The following BAHCC1 variants were observed in gnomAD, a reference collection of about 807,000 sequenced individuals.
BAHCC1 encodes BAH domain and coiled-coil containing 1.
A neutral mutation model predicts 88.2 loss-of-function variants in BAHCC1; 43 were observed. The observed-to-expected ratio is 0.49, with a 90% CI of 0.38 to 0.63. The LOEUF is 0.63. Among genes scored for constraint, BAHCC1 ranks in the 20% least tolerant of loss-of-function variants. BAHCC1 has a pLI of 0.00. For synonymous variants in BAHCC1, 1,510 were observed against 745.5 expected, an observed-to-expected ratio of 2.03 and a Z score of -16.71; for missense variants, 3,023 against 1,654.8, an observed-to-expected ratio of 1.83 and a Z score of -14.34.
intron 11 of BAHCC1, among the ~76,000 whole-genome samples, chr17:81,450,616 A>G (rs1019459559): frequency 6.6e-6 from 1 of 152,198 alleles, no homozygotes; most frequent in Non-Finnish European, 1.5e-5. Flanking sequence ...CGTGCTGGAA[A>G]GGGCTTGGCA....
In BAHCC1 at chr17:81,445,153, A is replaced by G. The variant is rs1555653969; in HGVS notation, c.2810A>G (p.Gln937Arg). 1 of 772,636 alleles carries G rather than the reference A, an allele frequency of 1.3e-6. No individual in the cohort carries two copies. Among genetic ancestry groups the G allele is most frequent in the East Asian group, 2.4e-5 (1 of 40,948 alleles). The allele number at this position is 772,636 out of a possible 1,614,324, so 47.9% of individuals were successfully genotyped here. A position where few individuals can be genotyped will look rare whatever the true frequency, so the allele number is the denominator to read the frequency against. Reference protein sequence around the residue: ...LLRQQELYALQQQRAAQFQRK... With the variant: ...LLRQQELYALRQQRAAQFQRK... ...CGGCAGCAGGAGCTCTATGCTTTGC[A>G]GCAGCAGAGGGCCGCCCAGTTCCAG... The change falls in exon 9 of 28, where the codon CAG (glutamine) becomes CGG (arginine). Residue 937 changes from glutamine (Q) to arginine (R), a missense_variant. Transcript: ENST00000675386.
chr17:81,446,467 G>C (rs115601514), intron 10 of BAHCC1, among the ~76,000 whole-genome samples: 9 of 150,626 alleles, frequency 6.0e-5, no homozygotes, highest in South Asian at 4.2e-4. Context: ...AGGGTTGTTG[G>C]GGGGAGCTTC....
intron 2 of BAHCC1, chr17:81,403,047 G>C (rs142111265): frequency 3.3e-5 from 5 of 152,184 alleles, no homozygotes; most frequent in African/African-American, 4.8e-5. Context: ...TGAAATCTAG[G>C]GGGGAGAAAA....
chr17:81,460,179 C>T (rs1418857009), intron 23 of BAHCC1, 98 bp from the exon 24 acceptor site: 1 of 672,880 alleles, frequency 1.5e-6, no homozygotes. Context: ...ACCCCAGAGC[C>T]CTCCCCTCAC....
Position 81,458,170 on chromosome 17 carries a change from T to C in BAHCC1, c.5047T>C (p.Cys1683Arg). Residue 1683 changes from cysteine to arginine, a missense_variant, in exon 18 of 28, where the codon TGC (cysteine) becomes CGC (arginine). Cys to Arg is a radical substitution (Grantham distance 180). Coordinates refer to ENST00000675386, the MANE Select transcript of BAHCC1 (RefSeq NM_001377448.1). ...KKERQGLLGA[C>R]RLSSPESEVK... ...GCCTCCTCTCCTTCCCACAGGGGCC[T>C]GCCGCCTGTCCAGCCCTGAGAGTGA... 1.4e-6 allele frequency: 1 copy of C among 718,406 alleles called. No individual in the cohort carries two copies. Among genetic ancestry groups the C allele is most frequent in the Non-Finnish European group, 2.6e-6 (1 of 385,934 alleles). The allele number at this position is 718,406 out of a possible 1,614,324, so 44.5% of individuals were successfully genotyped here.
chr17:81,413,083 G>A (rs946980869), intron 2 of BAHCC1: 20 of 439,694 alleles, frequency 4.5e-5, no homozygotes, highest in African/African-American at 3.7e-4. Context: ...ATTACATAAA[G>A]GTGAACACCA....
intron 2 of BAHCC1, among the ~76,000 whole-genome samples, chr17:81,416,049 C>T (rs549386279): frequency 9.5e-5 from 13 of 136,866 alleles, no homozygotes; most frequent in Middle Eastern, 5.0e-3. Context: ...CGCATGTGTG[C>T]GTGTGTGTCC....
At chr17:81,450,005 C>A (rs548336859) in intron 11 of BAHCC1, among the ~76,000 whole-genome samples, 1 of 152,140 alleles carries the variant, frequency 6.6e-6, no homozygotes, top group African/African-American at 2.4e-5. Context: ...TTTGTCCCAT[C>A]GTGGATGGGG....
At chr17:81,416,107 G>GGT (rs146565029) in intron 2 of BAHCC1, among the ~76,000 whole-genome samples, 1 of 146,956 alleles carries the variant, frequency 6.8e-6, no homozygotes, top group Non-Finnish European at 1.5e-5. Context: ...CATGAGGATG[G>GGT]GTGTGTGTGT....
At chr17:81,406,799 T>A (rs180923692) in intron 2 of BAHCC1, 14 of 439,126 alleles carry the variant, frequency 3.2e-5, no homozygotes, top group African/African-American at 2.6e-4. Context: ...GCCCAGGTCC[T>A]GGTTATGAGG....
chr17:81,411,684 G>C lies in BAHCC1; in HGVS notation c.178+11767G>C, dbSNP rs1305872896. 1 of 333,222 alleles carries C rather than the reference G, an allele frequency of 3.0e-6. No homozygotes were observed. The highest frequency in any genetic ancestry group is 2.2e-5 in the African/African-American group (1 of 45,744). The allele number at this position is 333,222 out of a possible 1,614,324, so 20.6% of individuals were successfully genotyped here. ...TTCCAGACCTGAGGCCCTCCAGGCA[G>C]CTCCCCTTCCACTCTGCCCAGCCCA... On this transcript the variant is annotated intron_variant, in intron 2 of 27. Coordinates refer to ENST00000675386, the MANE Select transcript of BAHCC1 (RefSeq NM_001377448.1). The surrounding 1 kb of genome is among the most constrained non-coding windows in gnomAD (Gnocchi z 6.2).
chr17:81,423,254 G>T (rs1421038304), intron 2 of BAHCC1, among the ~76,000 whole-genome samples: 3 of 152,154 alleles, frequency 2.0e-5, no homozygotes, highest in Non-Finnish European at 4.4e-5. Context: ...ACATGGCTGC[G>T]TTCGCACACG....
intron 14 of BAHCC1, 120 bp downstream of exon 14, chr17:81,452,971 T>C: frequency 1.7e-6 from 1 of 589,846 alleles, no homozygotes; most frequent in South Asian, 1.9e-5. Flanking sequence ...TCACACCTAC[T>C]CTGAAGGCCT....
intron 2 of BAHCC1, chr17:81,407,349 C>A (rs1186064913): frequency 3.8e-6 from 2 of 519,944 alleles, no homozygotes; most frequent in African/African-American, 3.8e-5. Context: ...AGAAAGAAAC[C>A]AGCCTGCTGG....
At chr17:81,454,228 G>C (rs8077636) in intron 14 of BAHCC1, among the ~76,000 whole-genome samples, 1 of 152,046 alleles carries the variant, frequency 6.6e-6, no homozygotes, top group African/African-American at 2.4e-5. Context: ...CCACACAAGA[G>C]GGGGAGCCCA....
intron 2 of BAHCC1, among the ~76,000 whole-genome samples, chr17:81,420,088 C>G (rs977585809): frequency 6.6e-6 from 1 of 152,294 alleles, no homozygotes; most frequent in Non-Finnish European, 1.5e-5. Flanking sequence ...GGGCTGCTGG[C>G]ACGGCTGCTG....
In BAHCC1 at chr17:81,465,396, T is replaced by A. The variant is rs2030635877; in HGVS notation, c.*1579T>A. The A allele has an allele frequency of 6.6e-6, 1 of 152,080 alleles. No individual in the cohort carries two copies. Among genetic ancestry groups the A allele is most frequent in the Non-Finnish European group, 1.5e-5 (1 of 68,048 alleles). 9.4% of individuals were successfully genotyped at this position (152,080 alleles called of 1,614,324 possible). On this transcript the variant is annotated 3_prime_UTR_variant, in exon 28 of 28. Transcript: ENST00000675386. ...ACCCCTCGAGGGCTCTGCCCCAGTA[T>A]CCCCAGGGAATTCACACCCCTCCCC... is the stretch of plus-strand genomic sequence containing the variant.
rs977663882 is a variant in BAHCC1, at chr17:81,442,977, G to T, written c.1628G>T (p.Arg543Leu). The T allele has an allele frequency of 2.6e-6, 2 of 778,868 alleles. No homozygotes were observed. Among genetic ancestry groups the T allele is most frequent in the Admixed American group, 1.7e-5 (1 of 58,996 alleles). 48.2% of individuals were successfully genotyped at this position (778,868 alleles called of 1,614,324 possible). A position where few individuals can be genotyped will look rare whatever the true frequency, so the allele number is the denominator to read the frequency against. ...AGPPGAQKVA[R>L]IRHQQHLMAA... ...CCCCCAGGGGCACAGAAGGTGGCCC[G>T]CATCAGGCACCAGCAGCACTTGATG... The change falls in exon 5 of 28, where the codon CGC becomes CTC. Residue 543 changes from arginine to leucine, a missense_variant. By Grantham distance (102) the Arg-to-Leu change is moderately radical. Coordinates refer to ENST00000675386, the MANE Select transcript of BAHCC1 (RefSeq NM_001377448.1).
intron 10 of BAHCC1, 38 bp downstream of exon 10, chr17:81,445,719 C>A: frequency 1.4e-6 from 1 of 708,460 alleles, no homozygotes; most frequent in Non-Finnish European, 2.6e-6. Flanking sequence ...CTGTGCTCCG[C>A]TCCAAGCCCT....
Sources: allele counts gnomAD v4.1 joint callset (sites outside exome capture counted in the v4.1 genomes callset), GRCh38; gene constraint gnomAD v4.1.1; non-coding constraint Gnocchi (gnomAD v3.1); transcripts MANE v1.5; gene names NCBI Gene and HGNC (gene_info 2026-07-23, HGNC 2026-07-21).